The following ZNF765 variants were observed in gnomAD, a reference collection of about 807,000 sequenced individuals.
The protein encoded by ZNF765 is zinc finger protein 765.
In ZNF765, 37 loss-of-function variants were observed where a neutral mutation model predicts 44.7. The ratio of observed to expected loss-of-function variants is 0.83; its 90% confidence interval spans 0.64 to 1.09. The LOEUF is 1.09. ZNF765 is among the 50% of genes least tolerant of loss of function. The pLI, the probability that ZNF765 is intolerant of heterozygous loss-of-function variation, is 0.00. For synonymous variants in ZNF765, 201 were observed against 213.7 expected, an observed-to-expected ratio of 0.94 and a Z score of 0.52; for missense variants, 594 against 626.1, an observed-to-expected ratio of 0.95 and a Z score of 0.55.
At chr19:53,402,838 G>A (rs2085740718) in intron 3 of ZNF765, among the ~76,000 whole-genome samples, 1 of 152,082 alleles carries the variant, frequency 6.6e-6, no homozygotes. Flanking sequence ...GGGATTACAG[G>A]TGCCAAACCC....
rs115982216 is a variant in ZNF765, at chr19:53,409,752, A to G, written c.*625A>G. The G allele has an allele frequency of 7.9e-4, 701 of 883,700 alleles. 7 individuals are homozygous for G. In the African/African-American group the frequency reaches 9.6e-3, roughly 12 times the overall value. 54.7% of individuals were successfully genotyped at this position (883,700 alleles called of 1,614,324 possible). A position where few individuals can be genotyped will look rare whatever the true frequency, so the allele number is the denominator to read the frequency against. The stretch of plus-strand genomic sequence containing the variant: ...AGTCAGAACTCATACCTTACATGCC[A>G]TCATAGACTTCATACTGGAGAGATA... On this transcript the variant is annotated 3_prime_UTR_variant, in exon 4 of 4. Transcript: ENST00000396408.
At chr19:53,400,126 T>TC (rs1276296744) in intron 2 of ZNF765, among the ~76,000 whole-genome samples, 1 of 152,168 alleles carries the variant, frequency 6.6e-6, no homozygotes, top group Non-Finnish European at 1.5e-5. Flanking sequence ...GTAGTTATTT[T>TC]TTCTAGTCTT....
At position 53,408,443 on chromosome 19, in the gene ZNF765, G is replaced by A. The variant is rs1302263509; in HGVS notation, c.888G>A (p.Glu296=). The A allele has an allele frequency of 1.2e-6, 2 of 1,613,844 alleles. No homozygotes were observed. The highest frequency in any genetic ancestry group is 2.2e-5 in the South Asian group (2 of 91,078). ...LTCHRRLHTG[E]KPYKCEECDK... ...GCCATCGTAGACTTCATACTGGAGAGAAACCTTACAAATGTGAAGAATGTG... is the reference window on the plus strand; with the variant it reads ...GCCATCGTAGACTTCATACTGGAGAAAAACCTTACAAATGTGAAGAATGTG... The change falls in exon 4 of 4, where the codon GAG becomes GAA. Residue 296 remains glutamate, a synonymous_variant. Transcript: ENST00000396408.
intron 3 of ZNF765, among the ~76,000 whole-genome samples, chr19:53,418,449 C>T (rs188078007): frequency 2.6e-3 from 400 of 152,274 alleles, no homozygotes; most frequent in African/African-American, 8.5e-3. Flanking sequence ...GAACCACAAT[C>T]CCATATCTAG....
chr19:53,425,983 CTTTA>C (rs1415886097), exon 4 of ZNF765: 1 of 152,316 alleles, frequency 6.6e-6, no homozygotes, highest in African/African-American at 2.4e-5. Flanking sequence ...TTGTCTGTGT[CTTTA>C]TTTATTACAA....
chr19:53,407,634 C>G (rs1245296459), intron 3 of ZNF765, 64 bp from the exon 4 acceptor site: 60 of 1,241,056 alleles, frequency 4.8e-5, no homozygotes, highest in Middle Eastern at 4.0e-4. Context: ...GTCATATTTA[C>G]ACATTTCAGC....
chr19:53,409,781 T>A lies in ZNF765; in HGVS notation c.*654T>A. ...TAGACTTCATACTGGAGAGATACCT[T>A]AAAAGTGTAGTGAGTGTGGCAAGAC... On this transcript the variant is annotated 3_prime_UTR_variant, in exon 4 of 4. Transcript: ENST00000396408. 1.2e-6 allele frequency: 1 copy of A among 814,718 alleles called. No homozygotes were observed. The highest frequency in any genetic ancestry group is 2.1e-6 in the Non-Finnish European group (1 of 468,822). The allele number at this position is 814,718 out of a possible 1,614,324, so 50.5% of individuals were successfully genotyped here.
At chr19:53,415,836 T>C (rs1490120152), downstream of ZNF765, among the ~76,000 whole-genome samples, 1 of 152,204 alleles carries the variant, frequency 6.6e-6, no homozygotes, top group Non-Finnish European at 1.5e-5. Context: ...GAAATTACTC[T>C]CGTGCTCCTG....
downstream of ZNF765, among the ~76,000 whole-genome samples, chr19:53,414,428 C>T (rs1568785828): frequency 1.6e-5 from 1 of 61,408 alleles, no homozygotes; most frequent in Admixed American, 2.8e-4. Context: ...TGGACTGACC[C>T]TCCCCACCAC....
At chr19:53,403,046 G>C (rs563451281) in intron 3 of ZNF765, among the ~76,000 whole-genome samples, 25 of 151,892 alleles carry the variant, frequency 1.6e-4, no homozygotes, top group Non-Finnish European at 1.5e-4. Context: ...GTGGTGGCAC[G>C]TGCCTGTAAT....
intron 3 of ZNF765, among the ~76,000 whole-genome samples, chr19:53,420,935 C>T (rs1338932428): frequency 6.6e-6 from 1 of 152,110 alleles, no homozygotes; most frequent in Admixed American, 6.5e-5. Flanking sequence ...CCTACCCCGA[C>T]ACCCATAAAG....
chr19:53,412,463 T>C (rs114551854), downstream of ZNF765, among the ~76,000 whole-genome samples: 1,869 of 152,286 alleles, frequency 0.012, 35 homozygotes, highest in African/African-American at 0.035. Context: ...AAAATACATA[T>C]TATGAGAAAA....
At chr19:53,425,851 G>T (rs2085935951) in exon 4 of ZNF765, 13 of 152,332 alleles carry the variant, frequency 8.5e-5, no homozygotes, top group Admixed American at 8.5e-4. Context: ...TGTAATCCCA[G>T]CGCTTTGGAA....
chr19:53,414,075 T>C (rs1049773989), downstream of ZNF765, among the ~76,000 whole-genome samples: 7 of 151,340 alleles, frequency 4.6e-5, no homozygotes, highest in African/African-American at 7.3e-5. Context: ...ATCCCGTCTC[T>C]ACTAAAAACA....
Position 53,409,754 on chromosome 19 carries a change from C to A in ZNF765, c.*627C>A, listed in dbSNP as rs1414103065. 1 of 855,800 alleles carries A rather than the reference C, an allele frequency of 1.2e-6. No homozygotes were observed. The highest frequency in any genetic ancestry group is 2.0e-6 in the Non-Finnish European group (1 of 506,688). 53.0% of individuals were successfully genotyped at this position (855,800 alleles called of 1,614,324 possible). A position where few individuals can be genotyped will look rare whatever the true frequency, so the allele number is the denominator to read the frequency against. On this transcript the variant is annotated 3_prime_UTR_variant, in exon 4 of 4. Transcript: ENST00000396408. ...TCAGAACTCATACCTTACATGCCAT[C>A]ATAGACTTCATACTGGAGAGATACC...
In ZNF765 at chr19:53,408,681, G is replaced by A; in HGVS notation, c.1126G>A (p.Val376Ile). The A allele has an allele frequency of 6.2e-7, 1 of 1,603,662 alleles. No homozygotes were observed. The highest frequency in any genetic ancestry group is 1.1e-5 in the South Asian group (1 of 90,576). Residue 376 changes from valine to isoleucine, a missense_variant, in exon 4 of 4, where the codon GTT (valine) becomes ATT (isoleucine). Physicochemically the swap from Val to Ile is conservative, Grantham distance 29 (BLOSUM62 3). Around this residue, in one of 2 missense-constraint regions of ZNF765, gnomAD observed 567 missense variants for 572.6 expected, o/e 0.99. Transcript: ENST00000396408. Reference sequence around the variant, plus strand: ...GTCACATTTTACATGCCATCATAGAGTTCATACTGGAGAGAAACCTTACAA... The same window carrying A: ...GTCACATTTTACATGCCATCATAGAATTCATACTGGAGAGAAACCTTACAA... ...RKSHFTCHHR[V>I]HTGEKPYKCN...
rs1304721887 is a variant in ZNF765, at chr19:53,402,181, G to C, written c.132G>C (p.Leu44=). The C allele has an allele frequency of 3.7e-6, 6 of 1,613,240 alleles. No homozygotes were observed. The highest frequency in any genetic ancestry group is 4.2e-6 in the Non-Finnish European group (5 of 1,179,830). ...TGATGCTGGAGAATTATAGGAACCTGGTCTCCCTGGGTGAGGATGACTTCC... is the reference window on the plus strand; with the variant it reads ...TGATGCTGGAGAATTATAGGAACCTCGTCTCCCTGGGTGAGGATGACTTCC... ...RDVMLENYRN[L]VSLDISSKCM... The change falls in exon 3 of 4, where the codon CTG becomes CTC. Residue 44 remains leucine (L), a synonymous_variant. Transcript: ENST00000396408.
chr19:53,405,317 A>G (rs1466236247), intron 3 of ZNF765, among the ~76,000 whole-genome samples: 2 of 151,930 alleles, frequency 1.3e-5, no homozygotes, highest in African/African-American at 2.4e-5. Flanking sequence ...GCCCCACTAC[A>G]CTCCAGTCCA....
chr19:53,413,934 A>AAAAAAG (rs1239526516), downstream of ZNF765, among the ~76,000 whole-genome samples: 1 of 148,940 alleles, frequency 6.7e-6, no homozygotes, highest in Admixed American at 6.7e-5. Flanking sequence ...GAAAGACAAA[A>AAAAAAG]AAAAAAAAAA....
Sources: allele counts gnomAD v4.1 joint callset (sites outside exome capture counted in the v4.1 genomes callset), GRCh38; gene constraint gnomAD v4.1.1; regional missense constraint gnomAD v4.1.1; transcripts MANE v1.5; gene names NCBI Gene and HGNC (gene_info 2026-07-23, HGNC 2026-07-21).